The following CADPS2 variants were observed in gnomAD, a reference collection of about 807,000 sequenced individuals.
CADPS2 encodes calcium dependent secretion activator 2, also known as calcium-dependent secretion activator 2.
A neutral mutation model predicts 172.5 loss-of-function variants in CADPS2; 93 were observed. That is an observed-to-expected ratio of 0.54 (90% CI 0.46 to 0.64). CADPS2 has a LOEUF of 0.64. Ranked by LOEUF, CADPS2 falls within the 30% of genes least tolerant of loss-of-function variation. The probability of loss-of-function intolerance (pLI) is 0.00; values close to 1 mark genes in which losing one functional copy is unlikely to be tolerated. For missense variants in CADPS2, 1,420 were observed against 1,565.9 expected (o/e 0.91, Z 1.57); for synonymous variants, 546 against 555.2 (o/e 0.98, Z 0.23).
Position 122,470,040 on chromosome 7 carries a change from T to G in CADPS2, c.2186+1335A>C, listed in dbSNP as rs180976759. ...CGGTAAAATTTTGTGGAGACAAGAATGGGCAGATGGAAGAGGATGGTAATG... is the reference window on the plus strand; with the variant it reads ...CGGTAAAATTTTGTGGAGACAAGAAGGGGCAGATGGAAGAGGATGGTAATG... On this transcript the variant is annotated intron_variant, in intron 14 of 29. Coordinates refer to ENST00000449022, the MANE Select transcript of CADPS2 (RefSeq NM_017954.11). 3.9e-5 allele frequency among the ~76,000 whole-genome samples: 6 copies of G among 152,286 alleles called. No individual in the cohort carries two copies. The South Asian group carries it at 1.0e-3, about 26-fold the overall frequency.
intron 12 of CADPS2, among the ~76,000 whole-genome samples, chr7:122,477,780 C>CT (rs1194547308): frequency 1.3e-5 from 2 of 152,074 alleles, no homozygotes; most frequent in East Asian, 3.9e-4. Context: ...CACGTAGCTA[C>CT]TTTTTTTGTG....
intron 1 of CADPS2, among the ~76,000 whole-genome samples, chr7:122,838,565 G>A (rs569432391): frequency 6.6e-6 from 1 of 152,278 alleles, no homozygotes; most frequent in African/African-American, 2.4e-5. Flanking sequence ...AAGCTGATAA[G>A]CAACTTCAGC....
chr7:122,646,592 C>G (rs538630829), intron 3 of CADPS2, among the ~76,000 whole-genome samples: 1 of 152,096 alleles, frequency 6.6e-6, no homozygotes, highest in Non-Finnish European at 1.5e-5. Flanking sequence ...GAACTAGGAA[C>G]AGCGAGTAAT....
intron 8 of CADPS2, among the ~76,000 whole-genome samples, chr7:122,539,163 T>C (rs1199667948): frequency 6.6e-6 from 1 of 152,114 alleles, no homozygotes; most frequent in East Asian, 1.9e-4. Flanking sequence ...TAAAACCTAA[T>C]GCAACAGTGT....
At chr7:122,705,688 C>T (rs1422571923) in intron 2 of CADPS2, among the ~76,000 whole-genome samples, 5 of 68,654 alleles carry the variant, frequency 7.3e-5, no homozygotes, top group African/African-American at 1.7e-4. Context: ...TAATATATCA[C>T]ATATTATATA....
At chr7:122,592,626 G>A (rs1197206711) in intron 6 of CADPS2, among the ~76,000 whole-genome samples, 3 of 152,032 alleles carry the variant, frequency 2.0e-5, no homozygotes, top group Non-Finnish European at 1.5e-5. Context: ...AAGAAAATGT[G>A]GCAATATACA....
At chr7:122,801,742 A>G (rs919052544) in intron 1 of CADPS2, among the ~76,000 whole-genome samples, 7 of 151,342 alleles carry the variant, frequency 4.6e-5, no homozygotes, top group African/African-American at 1.7e-4. Flanking sequence ...ATGAAAATGA[A>G]AAAGCCAAGA....
intron 1 of CADPS2, among the ~76,000 whole-genome samples, chr7:122,843,656 T>C (rs1245955725): frequency 2.0e-5 from 3 of 152,114 alleles, no homozygotes; most frequent in Admixed American, 6.5e-5. Flanking sequence ...AATTTCACCA[T>C]AAAACTGAGC....
intron 2 of CADPS2, chr7:122,697,912 G>C (rs761588013): frequency 1.2e-6 from 2 of 1,613,758 alleles, no homozygotes; most frequent in Non-Finnish European, 8.5e-7. Context: ...TTCATTATTT[G>C]TCTCCTCTTC....
At chr7:122,834,361 G>A (rs373158593) in intron 1 of CADPS2, among the ~76,000 whole-genome samples, 40 of 152,262 alleles carry the variant, frequency 2.6e-4, no homozygotes, top group South Asian at 1.2e-3. Flanking sequence ...AGCTCCCAGC[G>A]TGAGCGACAC....
chr7:122,470,327 C>T (rs2055753515), intron 14 of CADPS2, among the ~76,000 whole-genome samples: 1 of 151,402 alleles, frequency 6.6e-6, no homozygotes, highest in Non-Finnish European at 1.5e-5. Context: ...TATTAATATT[C>T]ACAAATTGGG....
chr7:122,521,513 A>G (rs1303566865), intron 8 of CADPS2, among the ~76,000 whole-genome samples: 1 of 151,992 alleles, frequency 6.6e-6, no homozygotes, highest in Non-Finnish European at 1.5e-5. Flanking sequence ...CTAAGGATGA[A>G]AAAAGAAACT....
chr7:122,825,757 A>G (rs1054028740), intron 1 of CADPS2, among the ~76,000 whole-genome samples: 2 of 152,166 alleles, frequency 1.3e-5, no homozygotes, highest in South Asian at 2.1e-4. Context: ...AAGACATTCA[A>G]TGTCAGCATG....
chr7:122,665,099 C>G (rs2081052101), intron 2 of CADPS2, among the ~76,000 whole-genome samples: 1 of 152,098 alleles, frequency 6.6e-6, no homozygotes, highest in South Asian at 2.1e-4. Context: ...CACACCTGGC[C>G]TCAACTTTTA....
chr7:122,865,939 A>G (rs1818202301), intron 1 of CADPS2, among the ~76,000 whole-genome samples: 1 of 152,226 alleles, frequency 6.6e-6, no homozygotes, highest in Non-Finnish European at 1.5e-5. Context: ...TGTAAAGACT[A>G]AAGTCTAAGA....
intron 1 of CADPS2, among the ~76,000 whole-genome samples, chr7:122,831,222 A>C (rs557347541): frequency 6.6e-6 from 1 of 152,308 alleles, no homozygotes; most frequent in East Asian, 1.9e-4. Flanking sequence ...AGGGAAACCA[A>C]GTCCAACATC....
chr7:122,795,885 T>C (rs1439394950), intron 1 of CADPS2, among the ~76,000 whole-genome samples: 1 of 151,964 alleles, frequency 6.6e-6, no homozygotes, highest in Non-Finnish European at 1.5e-5. Flanking sequence ...GAAAGCAATA[T>C]AGGGCATCCA....
Position 122,698,636 on chromosome 7 carries a change from A to G in CADPS2, c.454-35067T>C, listed in dbSNP as rs150170822. The G allele has an allele frequency of 3.7e-6, 6 of 1,613,958 alleles. No individual in the cohort carries two copies. The African/African-American group carries it at 6.7e-5, about 18-fold the overall frequency. On this transcript the variant is annotated intron_variant, in intron 2 of 29. Coordinates refer to ENST00000449022, the MANE Select transcript of CADPS2 (RefSeq NM_017954.11). ...GCAAGCCAGGTCTCTGAGTACTTTG[A>G]TCGGCTGAAAATGGTATTGGGATTA... is the stretch of plus-strand genomic sequence containing the variant.
chr7:122,386,009 T>C (rs1173502957), intron 24 of CADPS2, among the ~76,000 whole-genome samples: 1 of 152,092 alleles, frequency 6.6e-6, no homozygotes, highest in Non-Finnish European at 1.5e-5. Context: ...TTTTAAATAA[T>C]TTTATCTTTA....
Sources: allele counts gnomAD v4.1 joint callset (sites outside exome capture counted in the v4.1 genomes callset), GRCh38; gene constraint gnomAD v4.1.1; transcripts MANE v1.5; gene names NCBI Gene and HGNC (gene_info 2026-07-23, HGNC 2026-07-21).